Variants in TRERF1 observed in about 807,000 individuals in gnomAD.
TRERF1 encodes the protein transcriptional regulating factor 1.
Under a neutral mutation model 122.9 loss-of-function variants are expected in TRERF1, and 27 were observed. The ratio of observed to expected loss-of-function variants is 0.22; its 90% CI spans 0.16 to 0.30. TRERF1 has a LOEUF of 0.30. Among genes scored for constraint, TRERF1 ranks in the 10% least tolerant of loss-of-function variants. TRERF1 has a pLI of 1.00. For missense variants in TRERF1, 1,248 were observed against 1,560.3 expected (o/e 0.80, Z 3.37); for synonymous variants, 636 against 641.7 (o/e 0.99, Z 0.13).
intron 3 of TRERF1, among the ~76,000 whole-genome samples, chr6:42,358,752 AG>A (rs1771092371): frequency 1.3e-5 from 2 of 151,962 alleles, no homozygotes; most frequent in Admixed American, 6.6e-5. Flanking sequence ...AAAATAAAAA[AG>A]ACTGGGAGCC....
chr6:42,268,424 G>C lies in TRERF1; in HGVS notation c.1167C>G (p.Pro389=). 2.6e-6 allele frequency: 4 copies of C among 1,565,150 alleles called. No individual in the cohort carries two copies. The highest frequency in any genetic ancestry group is 1.2e-5 in the South Asian group (1 of 81,688). ...GGGACAGGTGGCTCTGCTGGTAGAG[G>C]GGGTGGCTGTAGGGCTGCTGGGGCT... is the stretch of plus-strand genomic sequence containing the variant. Residue 389 remains proline, a synonymous_variant, in exon 5 of 18, where the codon CCC becomes CCG. Transcript: ENST00000372922. This position sits in a 1 kb window ranked among gnomAD's most constrained non-coding sequence, Gnocchi z 4.4.
chr6:42,431,804 C>A (rs1476523613), intron 2 of TRERF1, among the ~76,000 whole-genome samples: 1 of 152,096 alleles, frequency 6.6e-6, no homozygotes, highest in African/African-American at 2.4e-5. Flanking sequence ...GCCGCCATGT[C>A]TGAGACCAGG....
At chr6:42,414,283 C>CT (rs892730585) in intron 2 of TRERF1, among the ~76,000 whole-genome samples, 5 of 152,002 alleles carry the variant, frequency 3.3e-5, no homozygotes, top group Non-Finnish European at 7.4e-5. Context: ...AACATTCACA[C>CT]TTTTTTTTAA....
At chr6:42,426,625 A>G (rs939230638) in intron 2 of TRERF1, among the ~76,000 whole-genome samples, 1 of 152,248 alleles carries the variant, frequency 6.6e-6, no homozygotes, top group Non-Finnish European at 1.5e-5. Flanking sequence ...GGAAGCCGTC[A>G]GACCAGGGAT....
At chr6:42,398,967 C>A (rs1779006017) in intron 2 of TRERF1, among the ~76,000 whole-genome samples, 1 of 152,126 alleles carries the variant, frequency 6.6e-6, no homozygotes, top group African/African-American at 2.4e-5. Context: ...AAGCTCTGAT[C>A]CAGTGTGTAC....
chr6:42,251,818 T>A (rs1232125359), intron 13 of TRERF1, among the ~76,000 whole-genome samples: 2 of 152,144 alleles, frequency 1.3e-5, no homozygotes, highest in African/African-American at 4.8e-5. Context: ...ACTAAGCAGG[T>A]GTTTGGGCTG....
intron 2 of TRERF1, among the ~76,000 whole-genome samples, chr6:42,398,796 G>C (rs1313977024): frequency 6.6e-6 from 1 of 152,208 alleles, no homozygotes; most frequent in East Asian, 1.9e-4. Flanking sequence ...CATGTAAAAT[G>C]CATGATCAAA....
chr6:42,389,575 T>C (rs6901997), intron 2 of TRERF1, among the ~76,000 whole-genome samples: 12,284 of 152,262 alleles, frequency 0.081, 975 homozygotes, highest in African/African-American at 0.2. Context: ...ATGTGCCCAG[T>C]AAGCATGGGC....
At chr6:42,416,112 A>G (rs1455236874) in intron 2 of TRERF1, among the ~76,000 whole-genome samples, 3 of 151,804 alleles carry the variant, frequency 2.0e-5, no homozygotes, top group Non-Finnish European at 4.4e-5. Context: ...TTCTAGCTGG[A>G]TATTTATGGG....
chr6:42,371,756 ATTCTGTCTCC>A, intron 2 of TRERF1, among the ~76,000 whole-genome samples: 1 of 152,288 alleles, frequency 6.6e-6, no homozygotes, highest in East Asian at 1.9e-4. Context: ...GCCATTGGCA[ATTCTGTCTCC>A]TTAAATGTCC....
At chr6:42,366,253 C>T (rs1772706823) in intron 2 of TRERF1, among the ~76,000 whole-genome samples, 1 of 152,226 alleles carries the variant, frequency 6.6e-6, no homozygotes, top group Non-Finnish European at 1.5e-5. Context: ...GGCAATGAAT[C>T]GTGTATTGAC....
chr6:42,433,273 A>G (rs1222718379), intron 2 of TRERF1, among the ~76,000 whole-genome samples: 1 of 152,160 alleles, frequency 6.6e-6, no homozygotes, highest in African/African-American at 2.4e-5. Flanking sequence ...GGCTATGAAC[A>G]TATCCAAGAT....
intron 7 of TRERF1, among the ~76,000 whole-genome samples, chr6:42,264,486 T>C (rs1778789932): frequency 6.6e-6 from 1 of 152,266 alleles, no homozygotes; most frequent in Non-Finnish European, 1.5e-5. Flanking sequence ...AAAGGCTTTC[T>C]AGCGCCTCTG....
chr6:42,345,053 T>C (rs1194782432), intron 3 of TRERF1, among the ~76,000 whole-genome samples: 3 of 152,140 alleles, frequency 2.0e-5, no homozygotes, highest in African/African-American at 7.2e-5. Flanking sequence ...CCATAATATA[T>C]TGTTAGGCAA....
At chr6:42,265,912 T>C (rs1321246961) in intron 5 of TRERF1, 115 bp from the exon 6 acceptor site, 1 of 1,108,830 alleles carries the variant, frequency 9.0e-7, no homozygotes, top group Non-Finnish European at 1.3e-6. Context: ...CTTTCTGCTG[T>C]CTGCTTCGTG....
chr6:42,426,081 G>A (rs142418273), intron 2 of TRERF1, among the ~76,000 whole-genome samples: 15 of 152,254 alleles, frequency 9.9e-5, no homozygotes, highest in South Asian at 2.1e-4. Flanking sequence ...GTTGGCAAGC[G>A]GACATCATCC....
In TRERF1 at chr6:42,263,529, G is replaced by C; in HGVS notation, c.1675C>G (p.Pro559Ala). Residue 559 changes from proline to alanine, a missense_variant, in exon 8 of 18, where the codon CCA (proline) becomes GCA (alanine). By Grantham distance (27) the Pro-to-Ala change is conservative. Transcript: ENST00000372922. This position sits in a 1 kb window ranked among gnomAD's most constrained non-coding sequence, Gnocchi z 5.6. ...GGAGGCGGAGGCGGAGGCGGCAGTG[G>C]TGGCTGGGGCTGAGGCGGCAGGACC... 6.4e-7 allele frequency: 1 copy of C among 1,564,764 alleles called. No individual in the cohort carries two copies. The highest frequency in any genetic ancestry group is 1.7e-4 in the Middle Eastern group (1 of 5,826).
chr6:42,314,254 T>C (rs963821504), intron 3 of TRERF1, among the ~76,000 whole-genome samples: 1 of 152,248 alleles, frequency 6.6e-6, no homozygotes, highest in Non-Finnish European at 1.5e-5. Context: ...TAAAAAGAAC[T>C]ATTAGCAAAT....
At chr6:42,350,534 A>G (rs1174221972) in intron 3 of TRERF1, among the ~76,000 whole-genome samples, 1 of 152,164 alleles carries the variant, frequency 6.6e-6, no homozygotes, top group Admixed American at 6.5e-5. Flanking sequence ...AGGGGCATGG[A>G]GAAGCTGATC....
Sources: allele counts gnomAD v4.1 joint callset (sites outside exome capture counted in the v4.1 genomes callset), GRCh38; gene constraint gnomAD v4.1.1; non-coding constraint Gnocchi (gnomAD v3.1); transcripts MANE v1.5; gene names NCBI Gene and HGNC (gene_info 2026-07-23, HGNC 2026-07-21).